CYP4Z1: variants seen among roughly 807,000 people sequenced by gnomAD.
CYP4Z1 encodes cytochrome P450 4Z1.
Under a neutral mutation model 54.2 loss-of-function variants are expected in CYP4Z1, and 41 were observed. That is an observed-to-expected ratio of 0.76 (90% confidence interval 0.59 to 0.98). The LOEUF is 0.98. Among genes scored for constraint, CYP4Z1 ranks in the 50% least tolerant of loss-of-function variants. CYP4Z1 has a pLI of 0.00. For synonymous variants in CYP4Z1, 163 were observed against 206.2 expected (o/e 0.79, Z 1.79); for missense variants, 513 against 599.0 (o/e 0.86, Z 1.50).
intron 8 of CYP4Z1, among the ~76,000 whole-genome samples, chr1:47,100,192 C>A (rs929987177): frequency 6.6e-6 from 1 of 152,154 alleles, no homozygotes; most frequent in Non-Finnish European, 1.5e-5. Flanking sequence ...AGCTTCTTTT[C>A]GGTCATTTTC....
At chr1:47,079,979 T>C (rs1205984509) in intron 2 of CYP4Z1, among the ~76,000 whole-genome samples, 1 of 152,058 alleles carries the variant, frequency 6.6e-6, no homozygotes, top group East Asian at 1.9e-4. Context: ...TCACCTGGAC[T>C]TTTGCAGAAA....
chr1:47,073,061 G>A (rs1437451112), intron 2 of CYP4Z1, among the ~76,000 whole-genome samples: 2 of 120,270 alleles, frequency 1.7e-5, no homozygotes, highest in East Asian at 3.4e-4. Context: ...AGTCCAGACA[G>A]AAACCTCATA....
chr1:47,084,053 A>C (rs1273280478), intron 4 of CYP4Z1, among the ~76,000 whole-genome samples: 4 of 152,278 alleles, frequency 2.6e-5, no homozygotes, highest in African/African-American at 9.6e-5. Flanking sequence ...TGACAAAGTG[A>C]AATTTTCTGG....
intron 9 of CYP4Z1, among the ~76,000 whole-genome samples, chr1:47,114,185 G>C (rs1644813224): frequency 6.6e-6 from 1 of 152,194 alleles, no homozygotes. Flanking sequence ...ACAAAAACAA[G>C]AAATGGGGAA....
At chr1:47,079,230 G>A (rs183816294) in intron 2 of CYP4Z1, among the ~76,000 whole-genome samples, 18 of 152,232 alleles carry the variant, frequency 1.2e-4, no homozygotes, top group African/African-American at 4.3e-4. Context: ...AGATTGCCAT[G>A]GTACTGGAGA....
rs779089870 is a variant in CYP4Z1 at position 47,117,733 on chromosome 1, T to G, written c.1350-33T>G. ...TGTTGTTAATAATATATAAATTCAT[T>G]AGATGCCATGTTTTCTTTCTTGGTA... On this transcript the variant is annotated intron_variant, in intron 11 of 11. Transcript: ENST00000334194. 5 of 1,585,458 alleles carry G rather than the reference T, an allele frequency of 3.2e-6. No homozygotes were observed. The South Asian group carries it at 4.6e-5, about 14-fold the overall frequency.
At chr1:47,086,264 G>A (rs568014513) in intron 6 of CYP4Z1, among the ~76,000 whole-genome samples, 395 of 152,016 alleles carry the variant, frequency 2.6e-3, no homozygotes, top group African/African-American at 9.1e-3. Context: ...TTGAGGAATC[G>A]CCACACTGTC....
intron 2 of CYP4Z1, among the ~76,000 whole-genome samples, chr1:47,069,422 T>C (rs1225399640): frequency 2.1e-5 from 3 of 143,734 alleles, no homozygotes; most frequent in African/African-American, 5.3e-5. Context: ...CTCTTGGTGC[T>C]TCTGCAAAAT....
chr1:47,114,891 T>C (rs1644818694), intron 9 of CYP4Z1, among the ~76,000 whole-genome samples: 1 of 152,194 alleles, frequency 6.6e-6, no homozygotes, highest in Admixed American at 6.5e-5. Flanking sequence ...AGTGTGGCGA[T>C]TTCTCAGGGA....
chr1:47,116,601 T>TG, intron 10 of CYP4Z1, 49 bp from the exon 11 acceptor site: 2 of 1,230,096 alleles, frequency 1.6e-6, no homozygotes, highest in Non-Finnish European at 2.3e-6. Context: ...TTGTTTTTTG[T>TG]GGGGGTGGGC....
chr1:47,082,176 CA>C (rs1644559588), intron 3 of CYP4Z1, among the ~76,000 whole-genome samples, 157 bp from the exon 4 acceptor site: 1 of 152,034 alleles, frequency 6.6e-6, no homozygotes, highest in Non-Finnish European at 1.5e-5. Flanking sequence ...ACTTAATTCC[CA>C]AAGGATTAGG....
At chr1:47,077,622 CTT>C (rs1378636238) in intron 2 of CYP4Z1, among the ~76,000 whole-genome samples, 3 of 151,380 alleles carry the variant, frequency 2.0e-5, no homozygotes, top group Non-Finnish European at 4.4e-5. Flanking sequence ...TTTTATATGT[CTT>C]ATTTTTTTTT....
At chr1:47,095,194 G>A (rs1257032267) in intron 7 of CYP4Z1, among the ~76,000 whole-genome samples, 1 of 152,138 alleles carries the variant, frequency 6.6e-6, no homozygotes. Flanking sequence ...CTATAGACCA[G>A]CAGCATTGGT....
At chr1:47,114,475 C>G (rs1644815370) in intron 9 of CYP4Z1, among the ~76,000 whole-genome samples, 1 of 152,130 alleles carries the variant, frequency 6.6e-6, no homozygotes, top group African/African-American at 2.4e-5. Flanking sequence ...AGCTTCTGCA[C>G]AGCAAAAGAA....
intron 7 of CYP4Z1, among the ~76,000 whole-genome samples, chr1:47,095,379 G>A (rs1644670022): frequency 6.6e-6 from 1 of 152,178 alleles, no homozygotes; most frequent in South Asian, 2.1e-4. Context: ...GATTAGCACA[G>A]TGCTTGGTGA....
chr1:47,117,095 T>A (rs1180075960), intron 11 of CYP4Z1, among the ~76,000 whole-genome samples: 1 of 152,132 alleles, frequency 6.6e-6, no homozygotes. Context: ...CAGAGAGCAA[T>A]GTTGTTCTAA....
chr1:47,117,660 G>T, intron 11 of CYP4Z1, 106 bp from the exon 12 acceptor site: 1 of 1,196,732 alleles, frequency 8.4e-7, no homozygotes, highest in South Asian at 2.1e-5. Context: ...AAAAAAAAAT[G>T]GATCTTGTTT....
At chr1:47,089,381 T>C (rs1197892771) in intron 6 of CYP4Z1, among the ~76,000 whole-genome samples, 1 of 152,052 alleles carries the variant, frequency 6.6e-6, no homozygotes, top group African/African-American at 2.4e-5. Context: ...GGATAATAAT[T>C]AGGCAAAATA....
At chr1:47,093,622 T>G (rs1644655899) in intron 6 of CYP4Z1, among the ~76,000 whole-genome samples, 1 of 152,184 alleles carries the variant, frequency 6.6e-6, no homozygotes, top group Non-Finnish European at 1.5e-5. Context: ...AGTACCATTT[T>G]AGTAGGAAAC....
Sources: gnomAD v4.1 joint callset for allele counts (sites outside exome capture counted in the v4.1 genomes callset) on GRCh38, gnomAD v4.1.1 for gene constraint, MANE v1.5 for transcripts, NCBI Gene and HGNC (gene_info 2026-07-23, HGNC 2026-07-21) for gene names.